PACS1: variants seen among roughly 807,000 people sequenced by gnomAD.
PACS1 encodes phosphofurin acidic cluster sorting protein 1, also known as PACS-1.
PACS1 carries 24 observed loss-of-function variants against 115.0 expected under a neutral mutation model. That is an observed-to-expected ratio of 0.21 (90% CI 0.15 to 0.29). The LOEUF (loss-of-function observed/expected upper bound fraction) is 0.29, where lower values mean the gene tolerates loss of function less well. PACS1 is among the 10% of genes least tolerant of loss of function. The pLI, the probability that PACS1 is intolerant of heterozygous loss-of-function variation, is 1.00. For missense variants in PACS1, 838 were observed against 1,251.2 expected, an observed-to-expected ratio of 0.67 and a Z score of 4.98; for synonymous variants, 453 against 504.5, an observed-to-expected ratio of 0.90 and a Z score of 1.37.
At chr11:66,075,724 T>C (rs1024290313) in intron 1 of PACS1, among the ~76,000 whole-genome samples, 3 of 151,302 alleles carry the variant, frequency 2.0e-5, no homozygotes, top group Non-Finnish European at 4.4e-5. Context: ...ATTACTACCC[T>C]AGCATTAAAA....
At chr11:66,075,738 C>CTTTT (rs756089252) in intron 1 of PACS1, among the ~76,000 whole-genome samples, 3 of 134,126 alleles carry the variant, frequency 2.2e-5, no homozygotes, top group African/African-American at 5.5e-5. Flanking sequence ...ATTAAAAGTC[C>CTTTT]TTTTTTTTTT....
chr11:66,107,735 C>A (rs1268933090), intron 1 of PACS1, among the ~76,000 whole-genome samples: 1 of 152,150 alleles, frequency 6.6e-6, no homozygotes, highest in African/African-American at 2.4e-5. Context: ...TCTTTCTTAG[C>A]ATAACTGAGA....
chr11:66,118,000 G>T (rs1322111847), intron 1 of PACS1, among the ~76,000 whole-genome samples: 3 of 152,192 alleles, frequency 2.0e-5, no homozygotes, highest in African/African-American at 7.2e-5. Context: ...GTGTTTGTAG[G>T]ATGTTTTTTC....
At chr11:66,210,755 G>A (rs935496491) in intron 3 of PACS1, among the ~76,000 whole-genome samples, 3 of 152,212 alleles carry the variant, frequency 2.0e-5, no homozygotes, top group African/African-American at 7.2e-5. Context: ...CACACCCCGT[G>A]GACTGTGCCA....
intron 11 of PACS1, among the ~76,000 whole-genome samples, chr11:66,229,688 TAAATA>T (rs1303307714): frequency 6.6e-6 from 1 of 151,374 alleles, no homozygotes; most frequent in Non-Finnish European, 1.5e-5. Flanking sequence ...CAAAAATAAA[TAAATA>T]AATAAAATAA....
intron 1 of PACS1, among the ~76,000 whole-genome samples, chr11:66,156,136 A>G (rs1403983253): frequency 2.0e-5 from 3 of 147,682 alleles, no homozygotes; most frequent in East Asian, 2.0e-4. Context: ...TTCCACTGGT[A>G]TATTGTATGT....
chr11:66,214,262 G>C (rs919022558), intron 4 of PACS1, among the ~76,000 whole-genome samples: 1 of 152,112 alleles, frequency 6.6e-6, no homozygotes, highest in Non-Finnish European at 1.5e-5. Flanking sequence ...GTCCTGCTCA[G>C]TCAGTGTTTG....
chr11:66,141,160 A>T (rs1565122270), intron 1 of PACS1, among the ~76,000 whole-genome samples: 1 of 152,118 alleles, frequency 6.6e-6, no homozygotes, highest in South Asian at 2.1e-4. Flanking sequence ...AATTTTATGT[A>T]TCTTGAACTT....
intron 1 of PACS1, among the ~76,000 whole-genome samples, chr11:66,173,168 A>C (rs1026787799): frequency 6.6e-6 from 1 of 151,450 alleles, no homozygotes; most frequent in Non-Finnish European, 1.5e-5. Context: ...CCTGGGCTCA[A>C]GCAATCCTCC....
chr11:66,119,212 A>C (rs1201905105), intron 1 of PACS1, among the ~76,000 whole-genome samples: 1 of 152,242 alleles, frequency 6.6e-6, no homozygotes, highest in Non-Finnish European at 1.5e-5. Context: ...TGTGTAGCCC[A>C]TAAGACATAC....
chr11:66,086,404 C>G (rs1857570516), intron 1 of PACS1, among the ~76,000 whole-genome samples: 1 of 152,154 alleles, frequency 6.6e-6, no homozygotes, highest in Non-Finnish European at 1.5e-5. Context: ...TCCCAAAGTG[C>G]TGGGATTACA....
In PACS1 at chr11:66,139,763, C is replaced by T. The variant is rs28473409; in HGVS notation, c.357-53723C>T. ...ATTTATCCATTCATCTGTTGATAGA[C>T]ACTTGCTTTCAAATCTTGCCTACTG... On this transcript the variant is annotated intron_variant, in intron 1 of 23. Coordinates refer to ENST00000320580, the MANE Select transcript of PACS1 (RefSeq NM_018026.4). Among the ~76,000 whole-genome samples the T allele has an allele frequency of 9.0e-3, 1,369 of 152,238 alleles. 19 individuals carry two copies. The highest frequency in any genetic ancestry group is 0.031 in the African/African-American group (1,282 of 41,536).
chr11:66,235,435 T>G lies in PACS1; in HGVS notation c.2207+32T>G, dbSNP rs1565158551. 12 of 1,474,208 alleles carry G rather than the reference T, an allele frequency of 8.1e-6. No individual in the cohort carries two copies. Among genetic ancestry groups the G allele is most frequent in the Non-Finnish European group, 1.1e-5 (12 of 1,052,916 alleles). 91.3% of individuals were successfully genotyped at this position (1,474,208 alleles called of 1,614,324 possible). ...TTGACTTTGAGGGGTTTCTTAAAAA[T>G]AGGTTGGGTGGGTTAGAGGAATCTT... On this transcript the variant is annotated intron_variant, in intron 18 of 23. Transcript: ENST00000320580. This position sits in a 1 kb window ranked among gnomAD's most constrained non-coding sequence, Gnocchi z 5.6.
intron 1 of PACS1, among the ~76,000 whole-genome samples, chr11:66,117,811 C>G (rs962910045): frequency 7.2e-5 from 11 of 152,034 alleles, no homozygotes; most frequent in Admixed American, 6.5e-4. Flanking sequence ...CGCCATTGCA[C>G]TCCAGCCTGG....
chr11:66,095,135 A>G (rs1479429360), intron 1 of PACS1, among the ~76,000 whole-genome samples: 1 of 150,966 alleles, frequency 6.6e-6, no homozygotes, highest in Non-Finnish European at 1.5e-5. Context: ...GAAAACTGGC[A>G]TAAGACAGGG....
At chr11:66,197,317 A>T (rs1043770393) in intron 2 of PACS1, among the ~76,000 whole-genome samples, 18 of 152,096 alleles carry the variant, frequency 1.2e-4, no homozygotes, top group African/African-American at 4.1e-4. Flanking sequence ...ATTAAATTCG[A>T]CTTCAGATTT....
Position 66,216,245 on chromosome 11 carries a change from A to G in PACS1, c.787A>G (p.Ile263Val). The stretch of plus-strand genomic sequence containing the variant: ...CAGCCAACCCATTGACCATGAAGGA[A>G]TCAAATCCAAGCTTTCTGGTAAGAA... Reference protein sequence around the residue: ...LSSQPIDHEGIKSKLSDRSPD... With the variant: ...LSSQPIDHEGVKSKLSDRSPD... The change falls in exon 5 of 24, where the codon ATC becomes GTC. Residue 263 changes from isoleucine (I) to valine (V), a missense_variant. Physicochemically the swap from Ile to Val is conservative, Grantham distance 29. This residue lies in a region of PACS1 where 223 missense variants were observed against 354.0 expected (regional missense o/e 0.63). Coordinates refer to ENST00000320580, the MANE Select transcript of PACS1 (RefSeq NM_018026.4). 1 of 1,614,106 alleles carries G rather than the reference A, an allele frequency of 6.2e-7. No homozygotes were observed. The highest frequency in any genetic ancestry group is 1.3e-5 in the African/African-American group (1 of 75,054).
At chr11:66,089,441 T>G (rs992299854) in intron 1 of PACS1, among the ~76,000 whole-genome samples, 4 of 152,172 alleles carry the variant, frequency 2.6e-5, no homozygotes, top group Non-Finnish European at 5.9e-5. Flanking sequence ...CAACCTAGAC[T>G]TTATAAAAAT....
intron 1 of PACS1, among the ~76,000 whole-genome samples, chr11:66,110,945 G>T (rs758677007): frequency 2.0e-5 from 3 of 152,186 alleles, no homozygotes; most frequent in Non-Finnish European, 2.9e-5. Context: ...AAGTAAAATT[G>T]ATCTCGGAGT....
Sources: allele counts gnomAD v4.1 joint callset (sites outside exome capture counted in the v4.1 genomes callset), GRCh38; gene constraint gnomAD v4.1.1; regional missense constraint gnomAD v4.1.1; non-coding constraint Gnocchi (gnomAD v3.1); transcripts MANE v1.5; gene names NCBI Gene and HGNC (gene_info 2026-07-23, HGNC 2026-07-21).